Variants in SLC41A1 observed in about 807,000 individuals in gnomAD.
The protein encoded by SLC41A1 is solute carrier family 41 member 1.
In SLC41A1, 20 loss-of-function variants were observed where a neutral mutation model predicts 47.3. That is an observed-to-expected ratio of 0.42 (90% CI 0.30 to 0.61). SLC41A1 has a LOEUF of 0.61. Ranked by LOEUF, SLC41A1 falls within the 20% of genes least tolerant of loss-of-function variation. The probability of loss-of-function intolerance (pLI) is 0.17; values close to 1 mark genes in which losing one functional copy is unlikely to be tolerated. For synonymous variants in SLC41A1, 282 were observed against 272.7 expected, an observed-to-expected ratio of 1.03 and a Z score of -0.34; for missense variants, 504 against 674.1, an observed-to-expected ratio of 0.75 and a Z score of 2.79.
rs750764381 is a variant in SLC41A1, at chr1:205,795,330, GA to G, written c.1207+13del. On this transcript the variant is annotated intron_variant, in intron 9 of 10. Transcript: ENST00000367137. ...ACTCCCCCCAGGGCTGGGAGGCTGGGAATCTGCCGTTACCAGGGCTGAAGAA... is the reference window on the plus strand; with the variant it reads ...ACTCCCCCCAGGGCTGGGAGGCTGGGATCTGCCGTTACCAGGGCTGAAGAA... 1.9e-6 allele frequency: 3 copies of G among 1,614,220 alleles called. 1 individual carries two copies. The South Asian group carries it at 3.3e-5, about 18-fold the overall frequency.
At chr1:205,801,918 C>A (rs1405228069) in intron 2 of SLC41A1, among the ~76,000 whole-genome samples, 2 of 152,176 alleles carry the variant, frequency 1.3e-5, no homozygotes, top group Non-Finnish European at 2.9e-5. Flanking sequence ...TTTTTATTCT[C>A]ATTTTGTGAA....
chr1:205,810,074 A>G lies in SLC41A1; in HGVS notation c.368T>C (p.Val123Ala). Residue 123 changes from valine (V) to alanine (A), a missense_variant, in exon 2 of 11, where the codon GTG (valine) becomes GCG (alanine). Physicochemically the swap from Val to Ala is moderately conservative, Grantham distance 64 (BLOSUM62 0). Transcript: ENST00000367137. The surrounding 1 kb of genome is among the most constrained non-coding windows in gnomAD (Gnocchi z 5.5). ...TVAAGMVLDI[V>A]QHWEVFQKVT... The stretch of plus-strand genomic sequence containing the variant: ...GCTGCCCTACTCAGGTCCTACCTGC[A>G]CGATGTCCAACACCATGCCAGCAGC... 1 of 1,614,162 alleles carries G rather than the reference A, an allele frequency of 6.2e-7. No individual in the cohort carries two copies. Among genetic ancestry groups the G allele is most frequent in the Non-Finnish European group, 8.5e-7 (1 of 1,180,020 alleles).
Position 205,795,477 on chromosome 1 carries a change from A to G in SLC41A1, c.1074T>C (p.Gly358=). The part of the protein sequence containing the change: ...GMAVFTPVIN[G]VGGNLVAVQA... Reference sequence around the variant, plus strand: ...GCACTGCCACCAGATTGCCCCCAACACCTGCAGAGACACATACGGGCTTAG... The same window carrying G: ...GCACTGCCACCAGATTGCCCCCAACGCCTGCAGAGACACATACGGGCTTAG... Residue 358 remains glycine, a splice_region_variant and synonymous_variant, in exon 9 of 11, where the codon GGT becomes GGC. Coordinates refer to ENST00000367137, the MANE Select transcript of SLC41A1 (RefSeq NM_173854.6). The G allele has an allele frequency of 6.2e-7, 1 of 1,614,142 alleles. No individual in the cohort carries two copies. The highest frequency in any genetic ancestry group is 8.5e-7 in the Non-Finnish European group (1 of 1,180,018).
rs534062154 is a variant in SLC41A1 at position 205,799,781 on chromosome 1, G to C, written c.530C>G (p.Thr177Ser). Reference protein sequence around the residue: ...DTPKELWRMITGNMALIQVQA... With the variant: ...DTPKELWRMISGNMALIQVQA... ...TACCTGGATGAGGGCCATGTTCCCAGTGATCATCCGCCAGAGCTCCTTGGG... is the reference window on the plus strand; with the variant it reads ...TACCTGGATGAGGGCCATGTTCCCACTGATCATCCGCCAGAGCTCCTTGGG... Residue 177 changes from threonine to serine, a missense_variant, in exon 4 of 11, where the codon ACT becomes AGT. By Grantham distance (58) the Thr-to-Ser change is moderately conservative. Around this residue, in one of 2 missense-constraint regions of SLC41A1, gnomAD observed 421 missense variants for 601.6 expected, o/e 0.70. Transcript: ENST00000367137. 1 of 1,614,058 alleles carries C rather than the reference G, an allele frequency of 6.2e-7. No individual in the cohort carries two copies. Among genetic ancestry groups the C allele is most frequent in the African/African-American group, 1.3e-5 (1 of 74,940 alleles).
chr1:205,793,818 T>C (rs823155), intron 10 of SLC41A1, among the ~76,000 whole-genome samples: 94,532 of 151,950 alleles, frequency 0.62, 31,675 homozygotes, highest in Non-Finnish European at 0.76. Flanking sequence ...TTTACTTTTA[T>C]AAATATAGAA....
In SLC41A1 at chr1:205,813,002, G is replaced by A; in HGVS notation, c.-841C>T. ...CCGGCTCGCTACATTTCGCTTCTGC[G>A]TTACAGCGAGGCCGCCGCTCCGCTT... is the stretch of plus-strand genomic sequence containing the variant. On this transcript the variant is annotated 5_prime_UTR_variant, in exon 1 of 11. In the 5' UTR this introduces an upstream ATG that the reference lacks. Transcript: ENST00000367137. 1 of 985,594 alleles carries A rather than the reference G, an allele frequency of 1.0e-6. No homozygotes were observed. Among genetic ancestry groups the A allele is most frequent in the Non-Finnish European group, 1.2e-6 (1 of 830,056 alleles). The allele number at this position is 985,594 out of a possible 1,614,324, so 61.1% of individuals were successfully genotyped here. A position where few individuals can be genotyped will look rare whatever the true frequency, so the allele number is the denominator to read the frequency against.
intron 7 of SLC41A1, among the ~76,000 whole-genome samples, chr1:205,797,552 G>A (rs1445799350): frequency 6.6e-6 from 1 of 152,194 alleles, no homozygotes; most frequent in Non-Finnish European, 1.5e-5. Context: ...AACTGTTGGG[G>A]GAAGAATCTC....
In SLC41A1 at chr1:205,810,104, G is replaced by C. The variant is rs1302150828; in HGVS notation, c.338C>G (p.Thr113Ser). 1 of 1,614,190 alleles carries C rather than the reference G, an allele frequency of 6.2e-7. No homozygotes were observed. Among genetic ancestry groups the C allele is most frequent in the Non-Finnish European group, 8.5e-7 (1 of 1,180,016 alleles). ...GTCCAACACCATGCCAGCAGCCACG[G>C]TCCCAAAGCCTGCCAGGAGGAATGG... ...LFPFLLAGFGTVAAGMVLDIV... is the reference protein window; with the variant it reads ...LFPFLLAGFGSVAAGMVLDIV... The change falls in exon 2 of 11, where the codon ACC (threonine) becomes AGC (serine). Residue 113 changes from threonine (T) to serine (S), a missense_variant. Physicochemically the swap from Thr to Ser is moderately conservative, Grantham distance 58. Around this residue, in one of 2 missense-constraint regions of SLC41A1, gnomAD observed 421 missense variants for 601.6 expected, o/e 0.70. Coordinates refer to ENST00000367137, the MANE Select transcript of SLC41A1 (RefSeq NM_173854.6). This position sits in a 1 kb window ranked among gnomAD's most constrained non-coding sequence, Gnocchi z 5.5.
intron 2 of SLC41A1, among the ~76,000 whole-genome samples, chr1:205,805,801 T>A (rs527342782): frequency 2.0e-5 from 3 of 152,330 alleles, no homozygotes; most frequent in Admixed American, 2.0e-4. Context: ...TACCTCTTCC[T>A]TGCCCTTCCA....
chr1:205,811,864 CAGTT>C (rs956508632), intron 1 of SLC41A1, among the ~76,000 whole-genome samples: 2 of 152,208 alleles, frequency 1.3e-5, no homozygotes, highest in African/African-American at 2.4e-5. Flanking sequence ...GGAGTTATCT[CAGTT>C]AGAAGGGACA....
chr1:205,792,062 T>A (rs909002555), intron 10 of SLC41A1, among the ~76,000 whole-genome samples: 32 of 152,226 alleles, frequency 2.1e-4, no homozygotes, highest in African/African-American at 7.7e-4. Context: ...TGCCTCTAAC[T>A]CTGGGTCACC....
chr1:205,812,532 A>C (rs1399684527), intron 1 of SLC41A1, among the ~76,000 whole-genome samples: 1 of 152,200 alleles, frequency 6.6e-6, no homozygotes, highest in East Asian at 1.9e-4. Context: ...CAGGAGGGGA[A>C]GCCAGTCCTC....
chr1:205,809,868 C>T (rs1656104202), intron 2 of SLC41A1, among the ~76,000 whole-genome samples: 1 of 152,148 alleles, frequency 6.6e-6, no homozygotes, highest in South Asian at 2.1e-4. Flanking sequence ...CTGATCACCT[C>T]CCCAGGGCTA....
chr1:205,798,412 C>T (rs1401976441), intron 6 of SLC41A1, among the ~76,000 whole-genome samples: 1 of 152,166 alleles, frequency 6.6e-6, no homozygotes, highest in Non-Finnish European at 1.5e-5. Flanking sequence ...ACCCTTTCCA[C>T]CTCATCCCTC....
intron 2 of SLC41A1, among the ~76,000 whole-genome samples, chr1:205,808,954 GT>G (rs1656078783): frequency 6.6e-6 from 1 of 152,216 alleles, no homozygotes; most frequent in Non-Finnish European, 1.5e-5. Context: ...GGTCTGTAGG[GT>G]TGGCTTGGCA....
Position 205,797,990 on chromosome 1 carries a change from C to G in SLC41A1, c.906G>C (p.Trp302Cys). ...CTGGACTTCGTCGGGCCAGCACCAC[C>G]CAGACAGGCAGCAGGGCCACAAAGA... ...CAFFVALLPV[W>C]VVLARRSPAT... The change falls in exon 7 of 11, where the codon TGG becomes TGC. Residue 302 changes from tryptophan to cysteine, a missense_variant. This residue lies in a region of SLC41A1 where 421 missense variants were observed against 601.6 expected (regional missense o/e 0.70). Coordinates refer to ENST00000367137, the MANE Select transcript of SLC41A1 (RefSeq NM_173854.6). 6.2e-7 allele frequency: 1 copy of G among 1,614,142 alleles called. No individual in the cohort carries two copies. Among genetic ancestry groups the G allele is most frequent in the Non-Finnish European group, 8.5e-7 (1 of 1,180,030 alleles).
At chr1:205,811,696 G>A (rs1656160537) in intron 1 of SLC41A1, among the ~76,000 whole-genome samples, 1 of 152,178 alleles carries the variant, frequency 6.6e-6, no homozygotes, top group Admixed American at 6.5e-5. Flanking sequence ...AGTGGGGCAA[G>A]CCTGCCAGAC....
At position 205,789,928 on chromosome 1, in the gene SLC41A1, G is replaced by A. The variant is rs755157526; in HGVS notation, c.*1605C>T. 1 of 152,248 alleles carries A rather than the reference G, an allele frequency of 6.6e-6. No individual in the cohort carries two copies. The highest frequency in any genetic ancestry group is 2.4e-5 in the African/African-American group (1 of 41,464). The allele number at this position is 152,248 out of a possible 1,614,324, so 9.4% of individuals were successfully genotyped here. A position where few individuals can be genotyped will look rare whatever the true frequency, so the allele number is the denominator to read the frequency against. On this transcript the variant is annotated 3_prime_UTR_variant, in exon 11 of 11. Transcript: ENST00000367137. ...TCCAAATCCCCAGATCTGTACACGT[G>A]TGACTGCGGATGGAGGCTCCAGTTT...
Position 205,791,764 on chromosome 1 carries a change from G to C in SLC41A1, c.1357-46C>G, listed in dbSNP as rs1029897838. ...AGCCTATAGCCATCCTCTCTCTCCAGGGGGAGCCAGAGGCCACATGATCAG... is the reference window on the plus strand; with the variant it reads ...AGCCTATAGCCATCCTCTCTCTCCACGGGGAGCCAGAGGCCACATGATCAG... On this transcript the variant is annotated intron_variant, in intron 10 of 10. Coordinates refer to ENST00000367137, the MANE Select transcript of SLC41A1 (RefSeq NM_173854.6). The surrounding 1 kb of genome is among the most constrained non-coding windows in gnomAD (Gnocchi z 4.0). 2 of 1,603,516 alleles carry C rather than the reference G, an allele frequency of 1.2e-6. No homozygotes were observed. The highest frequency in any genetic ancestry group is 1.7e-6 in the Non-Finnish European group (2 of 1,175,496).
Sources: allele counts gnomAD v4.1 joint callset (sites outside exome capture counted in the v4.1 genomes callset), GRCh38; gene constraint gnomAD v4.1.1; regional missense constraint gnomAD v4.1.1; non-coding constraint Gnocchi (gnomAD v3.1); transcripts MANE v1.5; gene names NCBI Gene and HGNC (gene_info 2026-07-23, HGNC 2026-07-21).